SH3PXD2A: variants seen among roughly 807,000 people sequenced by gnomAD.
SH3PXD2A encodes the protein SH3 and PX domains 2A, also known as SH3 and PX domain-containing protein 2A.
Under a neutral mutation model 115.2 loss-of-function variants are expected in SH3PXD2A, and 32 were observed. The ratio of observed to expected loss-of-function variants is 0.28; its 90% CI spans 0.21 to 0.37. The LOEUF is 0.37. SH3PXD2A is among the 10% of genes least tolerant of loss of function. SH3PXD2A has a pLI of 1.00. For synonymous variants in SH3PXD2A, 610 were observed against 629.1 expected, an observed-to-expected ratio of 0.97 and a Z score of 0.45; for missense variants, 1,328 against 1,498.7, an observed-to-expected ratio of 0.89 and a Z score of 1.88.
chr10:103,844,113 C>T (rs776897961), intron 1 of SH3PXD2A, among the ~76,000 whole-genome samples: 2 of 152,222 alleles, frequency 1.3e-5, no homozygotes, highest in African/African-American at 2.4e-5. Flanking sequence ...TGTTCTATTA[C>T]GGACCTTAAC....
chr10:103,613,194 TG>T lies in SH3PXD2A; in HGVS notation c.921-5del. 2 of 1,586,284 alleles carry T rather than the reference TG, an allele frequency of 1.3e-6. No homozygotes were observed. Among genetic ancestry groups the T allele is most frequent in the Non-Finnish European group, 1.7e-6 (2 of 1,168,196 alleles). On this transcript the variant is annotated splice_polypyrimidine_tract_variant and splice_region_variant and intron_variant, in intron 11 of 14. Transcript: ENST00000369774. The stretch of plus-strand genomic sequence containing the variant: ...CCAGCCCTCTTTGCCCAGGTATCTG[TG>T]GGGAGGAGCAGGATGTGCTATCATT...
intron 5 of SH3PXD2A, among the ~76,000 whole-genome samples, chr10:103,723,062 C>T (rs1428111773): frequency 1.3e-5 from 2 of 152,188 alleles, no homozygotes; most frequent in Non-Finnish European, 2.9e-5. Flanking sequence ...CTCATGGGCA[C>T]ATTCACAGAA....
chr10:103,830,141 T>A (rs1380071319), intron 1 of SH3PXD2A, among the ~76,000 whole-genome samples: 1 of 152,110 alleles, frequency 6.6e-6, no homozygotes, highest in Admixed American at 6.5e-5. Context: ...TCGGATTAAG[T>A]AAAAAAACAA....
intron 5 of SH3PXD2A, among the ~76,000 whole-genome samples, chr10:103,701,985 A>G (rs1484655619): frequency 6.8e-6 from 1 of 146,526 alleles, no homozygotes. Flanking sequence ...ACATCCATCC[A>G]CCATCCATCC....
chr10:103,658,616 T>C (rs1265965028), intron 8 of SH3PXD2A, among the ~76,000 whole-genome samples: 2 of 152,170 alleles, frequency 1.3e-5, no homozygotes, highest in African/African-American at 4.8e-5. Context: ...TCCTAGTAGA[T>C]AGCAACAGAC....
At chr10:103,636,730 C>T (rs1461015951) in intron 8 of SH3PXD2A, among the ~76,000 whole-genome samples, 2 of 152,268 alleles carry the variant, frequency 1.3e-5, no homozygotes, top group African/African-American at 2.4e-5. Context: ...ACAGCTCAGC[C>T]TAGGACAAAA....
chr10:103,605,053 C>T (rs922596488), intron 14 of SH3PXD2A, among the ~76,000 whole-genome samples: 7 of 152,166 alleles, frequency 4.6e-5, no homozygotes, highest in Non-Finnish European at 7.3e-5. Context: ...TCTCTGCTGC[C>T]GGGAATACCA....
chr10:103,653,917 C>CA (rs535932267), intron 8 of SH3PXD2A, among the ~76,000 whole-genome samples: 204 of 152,058 alleles, frequency 1.3e-3, no homozygotes, highest in Non-Finnish European at 2.4e-3. Flanking sequence ...CCCACCCTCC[C>CA]ACCTCCTGCT....
intron 3 of SH3PXD2A, chr10:103,754,031 G>A (rs1381093865): frequency 2.0e-5 from 3 of 152,196 alleles, no homozygotes; most frequent in African/African-American, 7.2e-5. Flanking sequence ...GAGGCCAGGA[G>A]TAAAAACTGT....
At chr10:103,729,158 C>T (rs892820608) in intron 4 of SH3PXD2A, among the ~76,000 whole-genome samples, 1 of 152,120 alleles carries the variant, frequency 6.6e-6, no homozygotes, top group African/African-American at 2.4e-5. Flanking sequence ...CCTCGGCCTC[C>T]CAAAGTGCTG....
At chr10:103,728,739 G>A (rs2038274032) in intron 4 of SH3PXD2A, among the ~76,000 whole-genome samples, 1 of 152,154 alleles carries the variant, frequency 6.6e-6, no homozygotes, top group Admixed American at 6.5e-5. Flanking sequence ...TATCCTGTAG[G>A]ACTGTGTCAT....
Position 103,620,418 on chromosome 10 carries a change from C to T in SH3PXD2A, c.802+2052G>A, listed in dbSNP as rs1350728767. Reference sequence around the variant, plus strand: ...AGCCTCCTCTTCCCCAACACTTTCCCCTCTGTCAGCAGTCTCCCCACTCCC... The same window carrying T: ...AGCCTCCTCTTCCCCAACACTTTCCTCTCTGTCAGCAGTCTCCCCACTCCC... On this transcript the variant is annotated intron_variant, in intron 10 of 14. Coordinates refer to ENST00000369774, the MANE Select transcript of SH3PXD2A (RefSeq NM_001394015.1). This position sits in a 1 kb window ranked among gnomAD's most constrained non-coding sequence, Gnocchi z 5.3. Among the ~76,000 whole-genome samples the T allele has an allele frequency of 6.6e-6, 1 of 152,162 alleles. No individual in the cohort carries two copies. The highest frequency in any genetic ancestry group is 2.4e-5 in the African/African-American group (1 of 41,444).
intron 2 of SH3PXD2A, among the ~76,000 whole-genome samples, chr10:103,790,180 A>T (rs11191810): frequency 0.19 from 27,917 of 148,692 alleles, 3,210 homozygotes; most frequent in South Asian, 0.3. Flanking sequence ...TTTGAGATGG[A>T]GTCTCGCTGT....
At chr10:103,732,852 G>A (rs1399568295) in intron 4 of SH3PXD2A, among the ~76,000 whole-genome samples, 1 of 152,232 alleles carries the variant, frequency 6.6e-6, no homozygotes, top group Non-Finnish European at 1.5e-5. Flanking sequence ...TGGCCGTGGA[G>A]CGGACTGCAC....
intron 5 of SH3PXD2A, among the ~76,000 whole-genome samples, chr10:103,696,986 C>A (rs973925424): frequency 6.6e-6 from 1 of 152,128 alleles, no homozygotes; most frequent in Non-Finnish European, 1.5e-5. Flanking sequence ...CCCATCTAAA[C>A]AAGGACTCCT....
intron 13 of SH3PXD2A, among the ~76,000 whole-genome samples, chr10:103,610,738 C>T (rs971251483): frequency 6.6e-6 from 1 of 152,144 alleles, no homozygotes; most frequent in African/African-American, 2.4e-5. Context: ...TGCTAGCCCC[C>T]CACATAAATC....
chr10:103,791,334 G>A (rs538508227), intron 2 of SH3PXD2A, among the ~76,000 whole-genome samples: 22 of 152,330 alleles, frequency 1.4e-4, no homozygotes, highest in African/African-American at 5.1e-4. Flanking sequence ...TGTGAACACC[G>A]TGAATACCCT....
At chr10:103,662,345 G>GC (rs1415003973) in intron 7 of SH3PXD2A, among the ~76,000 whole-genome samples, 26 of 86,174 alleles carry the variant, frequency 3.0e-4, no homozygotes, top group African/African-American at 1.3e-3. Flanking sequence ...TATTGGCGGG[G>GC]GGGGGGGCGG....
rs147701215 is a variant in SH3PXD2A at position 103,811,187 on chromosome 10, C to G, written c.73-9825G>C. Among the ~76,000 whole-genome samples, 767 of 152,278 alleles carry G rather than the reference C, an allele frequency of 5.0e-3. 1 individual carries two copies. The highest frequency in any genetic ancestry group is 0.015 in the African/African-American group (608 of 41,556). On this transcript the variant is annotated intron_variant, in intron 1 of 14. Transcript: ENST00000369774. The stretch of plus-strand genomic sequence containing the variant: ...CCTGGAGGGGAAATGAGTGTATAAA[C>G]TAGGAACTCCCAGGATTCACAATCC...
Sources: allele counts gnomAD v4.1 joint callset (sites outside exome capture counted in the v4.1 genomes callset), GRCh38; gene constraint gnomAD v4.1.1; non-coding constraint Gnocchi (gnomAD v3.1); transcripts MANE v1.5; gene names NCBI Gene and HGNC (gene_info 2026-07-23, HGNC 2026-07-21).